The following WNK1 variants were observed in gnomAD, a reference collection of about 807,000 sequenced individuals.
The protein encoded by WNK1 is WNK lysine deficient protein kinase 1.
In WNK1, 38 loss-of-function variants were observed where a neutral mutation model predicts 222.8. The observed-to-expected ratio is 0.17, with a 90% CI of 0.13 to 0.22. The LOEUF (loss-of-function observed/expected upper bound fraction) is 0.22, where lower values mean the gene tolerates loss of function less well. Ranked by LOEUF, WNK1 falls within the 10% of genes least tolerant of loss-of-function variation. The pLI, the probability that WNK1 is intolerant of heterozygous loss-of-function variation, is 1.00. For missense variants in WNK1, 2,348 were observed against 2,918.4 expected (o/e 0.80, Z 4.50); for synonymous variants, 1,090 against 1,092.9 (o/e 1.00, Z 0.05).
chr12:811,085 C>T (rs1263380862), intron 1 of WNK1, among the ~76,000 whole-genome samples: 2 of 152,130 alleles, frequency 1.3e-5, no homozygotes, highest in Non-Finnish European at 2.9e-5. Context: ...ATTAAGGCCC[C>T]AGGAATATCC....
Position 884,131 on chromosome 12 carries a change from C to A in WNK1, c.3732C>A (p.Thr1244=). The change falls in exon 18 of 28, where the codon ACC becomes ACA. Residue 1244 remains threonine, a synonymous_variant. Transcript: ENST00000315939. This position sits in a 1 kb window ranked among gnomAD's most constrained non-coding sequence, Gnocchi z 5.6. The stretch of plus-strand genomic sequence containing the variant: ...TTTGTTTTTGACCAGGCATTCCTAC[C>A]AGTTCTTTAACTCAAGTTGTTCATT... The part of the protein sequence containing the change: ...SSMPQQIGIP[T]SSLTQVVHSA... 1 of 1,614,090 alleles carries A rather than the reference C, an allele frequency of 6.2e-7. No individual in the cohort carries two copies. The highest frequency in any genetic ancestry group is 2.2e-5 in the East Asian group (1 of 44,874).
intron 9 of WNK1, 134 bp downstream of exon 9, chr12:871,482 C>A: frequency 1.2e-6 from 1 of 811,800 alleles, no homozygotes; most frequent in Non-Finnish European, 2.0e-6. Context: ...GTCTTGTGTT[C>A]AGTAACAAAG....
intron 4 of WNK1, among the ~76,000 whole-genome samples, chr12:844,292 C>T (rs1375744987): frequency 1.3e-5 from 2 of 152,112 alleles, no homozygotes; most frequent in African/African-American, 2.4e-5. Context: ...TGGGCCACCA[C>T]AGCCGGCTAA....
chr12:833,155 A>C (rs1343587409), intron 4 of WNK1, among the ~76,000 whole-genome samples: 1 of 152,132 alleles, frequency 6.6e-6, no homozygotes, highest in African/African-American at 2.4e-5. Context: ...CCAGTTTATA[A>C]GGTTCTTGCT....
intron 4 of WNK1, among the ~76,000 whole-genome samples, chr12:842,055 T>G (rs1949668544): frequency 6.6e-6 from 1 of 152,232 alleles, no homozygotes; most frequent in Admixed American, 6.5e-5. Context: ...TTGTTTGTAT[T>G]CATTGTGCAC....
chr12:756,872 A>G (rs2121254184), intron 1 of WNK1, among the ~76,000 whole-genome samples: 1 of 152,340 alleles, frequency 6.6e-6, no homozygotes, highest in Admixed American at 6.5e-5. Context: ...GTTGAGTTAA[A>G]AATCTTAGTG....
At chr12:836,435 A>G (rs562625188) in intron 4 of WNK1, among the ~76,000 whole-genome samples, 14 of 152,166 alleles carry the variant, frequency 9.2e-5, no homozygotes, top group Admixed American at 3.3e-4. Flanking sequence ...AACTAGATTG[A>G]CTCTGAAATG....
chr12:841,862 TGA>T (rs1949653937), intron 4 of WNK1, among the ~76,000 whole-genome samples: 1 of 152,328 alleles, frequency 6.6e-6, no homozygotes, highest in African/African-American at 2.4e-5. Flanking sequence ...CCTCATGACC[TGA>T]TCTGCTCTCA....
At chr12:887,325 T>C in intron 20 of WNK1, 21 bp downstream of exon 20, 1 of 1,612,700 alleles carries the variant, frequency 6.2e-7, no homozygotes, top group Non-Finnish European at 8.5e-7. Context: ...ACTTGACAAA[T>C]TTCTTCCTGT....
intron 1 of WNK1, among the ~76,000 whole-genome samples, chr12:795,284 A>G (rs1945198473): frequency 7.0e-6 from 1 of 143,332 alleles, no homozygotes; most frequent in African/African-American, 2.5e-5. Context: ...AGGTCTATTC[A>G]GATTTTCCGT....
intron 1 of WNK1, among the ~76,000 whole-genome samples, chr12:787,582 A>G (rs1431060377): frequency 6.6e-6 from 1 of 152,218 alleles, no homozygotes; most frequent in African/African-American, 2.4e-5. Flanking sequence ...TCCTGTGTTT[A>G]ATGCTTGCCT....
intron 27 of WNK1, chr12:908,254 C>T (rs1441902374): frequency 7.9e-6 from 6 of 762,506 alleles, no homozygotes; most frequent in African/African-American, 7.0e-5. Flanking sequence ...GTTTTTCCTT[C>T]GTCATCCTCA....
At chr12:851,731 C>A in intron 4 of WNK1, 1 of 1,346,048 alleles carries the variant, frequency 7.4e-7, no homozygotes, top group Non-Finnish European at 9.8e-7. Context: ...CAGTATTTGT[C>A]ATCATAAATT....
chr12:827,421 A>G lies in WNK1; in HGVS notation c.1153+159A>G, dbSNP rs921869369. On this transcript the variant is annotated intron_variant, in intron 3 of 27. Coordinates refer to ENST00000315939, the MANE Select transcript of WNK1 (RefSeq NM_018979.4). This position sits in a 1 kb window ranked among gnomAD's most constrained non-coding sequence, Gnocchi z 4.6. ...GTACTTATGAGATATAGGATTCTCT[A>G]TATTTGTGCTTCTTGGAATCATCTT... 1.7e-5 allele frequency: 11 copies of G among 657,158 alleles called. No individual in the cohort carries two copies. Among genetic ancestry groups the G allele is most frequent in the African/African-American group, 1.5e-4 (8 of 54,854 alleles). 40.7% of individuals were successfully genotyped at this position (657,158 alleles called of 1,614,324 possible).
chr12:880,750 C>T lies in WNK1; in HGVS notation c.2862C>T (p.Tyr954=). The stretch of plus-strand genomic sequence containing the variant: ...TCCCACCTCGACTGCCACCACAGTA[C>T]CCAGGAGATTCAAATATTGCTCCCT... ...QGFPPRLPPQ[Y]PGDSNIAPSS... is the part of the protein sequence containing the mutation. The change falls in exon 12 of 28, where the codon TAC becomes TAT. Residue 954 remains tyrosine, a synonymous_variant. Transcript: ENST00000315939. The T allele has an allele frequency of 6.2e-7, 1 of 1,613,910 alleles. No individual in the cohort carries two copies.
At chr12:801,549 C>T (rs989581540) in intron 1 of WNK1, among the ~76,000 whole-genome samples, 2 of 150,746 alleles carry the variant, frequency 1.3e-5, no homozygotes, top group Non-Finnish European at 2.9e-5. Flanking sequence ...GCTGGGACTA[C>T]AGCCATGTGC....
chr12:816,920 G>GT, intron 2 of WNK1, among the ~76,000 whole-genome samples: 1 of 152,214 alleles, frequency 6.6e-6, no homozygotes, highest in African/African-American at 2.4e-5. Flanking sequence ...AAAGATATTT[G>GT]TAAGTGTATA....
chr12:896,930 ACACACACACG>A (rs1187577498), intron 24 of WNK1, among the ~76,000 whole-genome samples, 198 bp downstream of exon 24: 43 of 76,510 alleles, frequency 5.6e-4, no homozygotes, highest in African/African-American at 1.7e-3. Flanking sequence ...ACACACACAC[ACACACACACG>A]ATTCCCAACC....
chr12:888,507 G>A (rs1953888296), intron 20 of WNK1, among the ~76,000 whole-genome samples: 1 of 152,204 alleles, frequency 6.6e-6, no homozygotes, highest in African/African-American at 2.4e-5. Context: ...AGCAAAGACT[G>A]TGCAAGAATA....
Sources: allele counts gnomAD v4.1 joint callset (sites outside exome capture counted in the v4.1 genomes callset), GRCh38; gene constraint gnomAD v4.1.1; non-coding constraint Gnocchi (gnomAD v3.1); transcripts MANE v1.5; gene names NCBI Gene and HGNC (gene_info 2026-07-23, HGNC 2026-07-21).